The following GRB10 variants were observed in gnomAD, a reference collection of about 807,000 sequenced individuals.
GRB10 encodes growth factor receptor bound protein 10.
GRB10 carries 20 observed loss-of-function variants against 80.9 expected under a neutral mutation model. The observed-to-expected ratio is 0.25, with a 90% CI of 0.17 to 0.36. The LOEUF (loss-of-function observed/expected upper bound fraction) is 0.36. Among genes scored for constraint, GRB10 ranks in the 10% least tolerant of loss-of-function variants. The pLI, the probability that GRB10 is intolerant of heterozygous loss-of-function variation, is 1.00. For missense variants in GRB10, 548 were observed against 747.7 expected (o/e 0.73, Z 3.12); for synonymous variants, 291 against 291.5 (o/e 1.00, Z 0.02).
chr7:50,755,284 C>T (rs1178629687), intron 3 of GRB10, among the ~76,000 whole-genome samples: 1 of 152,178 alleles, frequency 6.6e-6, no homozygotes, highest in African/African-American at 2.4e-5. Flanking sequence ...CAGGGCCAAC[C>T]AGGACAAAGA....
chr7:50,781,176 C>G (rs6958750), intron 1 of GRB10: 97,952 of 152,210 alleles, frequency 0.64, 33,622 homozygotes, highest in Middle Eastern at 0.88. Context: ...CCAGGTACAA[C>G]GGCAGGTAGC....
intron 1 of GRB10, among the ~76,000 whole-genome samples, chr7:50,790,817 G>A (rs1480540177): frequency 6.6e-6 from 1 of 152,208 alleles, no homozygotes; most frequent in Non-Finnish European, 1.5e-5. Flanking sequence ...GAAGCTGAAG[G>A]CACAATAGAT....
intron 6 of GRB10, among the ~76,000 whole-genome samples, chr7:50,673,573 C>T (rs1430017168): frequency 6.6e-6 from 1 of 152,048 alleles, no homozygotes; most frequent in African/African-American, 2.4e-5. Context: ...GTGCTCAAAT[C>T]CCCCCTCCTT....
At chr7:50,705,582 G>C (rs1165909246) in intron 4 of GRB10, among the ~76,000 whole-genome samples, 2 of 152,198 alleles carry the variant, frequency 1.3e-5, no homozygotes, top group Non-Finnish European at 2.9e-5. Flanking sequence ...TATTTGTAGA[G>C]AACATGCATA....
At chr7:50,622,755 G>A (rs1204838482) in intron 8 of GRB10, among the ~76,000 whole-genome samples, 2 of 150,874 alleles carry the variant, frequency 1.3e-5, no homozygotes, top group Admixed American at 6.6e-5. Context: ...AGTTTTGTAT[G>A]TTTAAATTTG....
intron 13 of GRB10, among the ~76,000 whole-genome samples, chr7:50,608,531 A>C (rs1020484646): frequency 6.6e-6 from 1 of 152,228 alleles, no homozygotes; most frequent in African/African-American, 2.4e-5. Context: ...TAAAACAATA[A>C]CATTATGTCT....
At position 50,662,107 on chromosome 7, in the gene GRB10, C is replaced by T. The variant is rs183435459; in HGVS notation, c.504+7615G>A. Among the ~76,000 whole-genome samples the T allele has an allele frequency of 1.2e-3, 185 of 152,336 alleles. 3 individuals carry two copies. Among genetic ancestry groups the T allele is most frequent in the Admixed American group, 0.011 (174 of 15,310 alleles). Reference sequence around the variant, plus strand: ...CTGGTGTTACTACTGTCATTACCTGCAATGTTGTGGAGTTGGAGTCTGGCC... The same window carrying T: ...CTGGTGTTACTACTGTCATTACCTGTAATGTTGTGGAGTTGGAGTCTGGCC... On this transcript the variant is annotated intron_variant, in intron 7 of 18. Coordinates refer to ENST00000401949, the MANE Select transcript of GRB10 (RefSeq NM_001350814.2).
chr7:50,684,409 C>T (rs2715136), intron 5 of GRB10, among the ~76,000 whole-genome samples: 11,149 of 151,030 alleles, frequency 0.074, 1,405 homozygotes, highest in African/African-American at 0.26. Flanking sequence ...TTCATCTTAG[C>T]GATTTCATCA....
intron 4 of GRB10, among the ~76,000 whole-genome samples, chr7:50,720,438 G>C (rs969301498): frequency 1.3e-5 from 2 of 152,048 alleles, no homozygotes; most frequent in African/African-American, 4.8e-5. Flanking sequence ...GACCCCCTTT[G>C]TCGAGACTCA....
chr7:50,673,745 G>T (rs190584454), intron 6 of GRB10, among the ~76,000 whole-genome samples: 2 of 152,102 alleles, frequency 1.3e-5, no homozygotes, highest in South Asian at 4.2e-4. Context: ...CCCTTCACAC[G>T]CCTGTCCAGA....
intron 13 of GRB10, among the ~76,000 whole-genome samples, chr7:50,610,207 G>C (rs2049265898): frequency 6.6e-6 from 1 of 152,192 alleles, no homozygotes; most frequent in South Asian, 2.1e-4. Context: ...GAGTCATAAA[G>C]AGTTACCTCC....
chr7:50,614,951 G>C (rs143892291), intron 11 of GRB10, 71 bp from the exon 12 acceptor site: 2 of 943,574 alleles, frequency 2.1e-6, no homozygotes, highest in African/African-American at 3.2e-5. Flanking sequence ...CTGGTAGACA[G>C]AGGGCAGTCT....
chr7:50,684,109 A>G (rs1196268386), intron 5 of GRB10, among the ~76,000 whole-genome samples: 1 of 152,142 alleles, frequency 6.6e-6, no homozygotes, highest in Non-Finnish European at 1.5e-5. Flanking sequence ...TTAAACTTAT[A>G]AAAATGTAGA....
intron 4 of GRB10, among the ~76,000 whole-genome samples, chr7:50,707,610 C>T (rs1258981800): frequency 6.6e-6 from 1 of 152,236 alleles, no homozygotes; most frequent in African/African-American, 2.4e-5. Context: ...GAAATATTTA[C>T]TGCTATGTAT....
chr7:50,653,933 G>A (rs1028499139), intron 7 of GRB10, among the ~76,000 whole-genome samples: 1 of 152,210 alleles, frequency 6.6e-6, no homozygotes, highest in African/African-American at 2.4e-5. Flanking sequence ...CCAGCTAGAA[G>A]TGTAACCATG....
At chr7:50,726,305 G>C (rs2068635980) in intron 4 of GRB10, among the ~76,000 whole-genome samples, 1 of 152,172 alleles carries the variant, frequency 6.6e-6, no homozygotes, top group South Asian at 2.1e-4. Context: ...GGCTGAGGCA[G>C]GACAATCGCT....
chr7:50,711,010 G>T, intron 4 of GRB10: 1 of 950,132 alleles, frequency 1.1e-6, no homozygotes, highest in Non-Finnish European at 1.7e-6. Context: ...GGCACAGAAG[G>T]CACACTTAAT....
Position 50,612,836 on chromosome 7 carries a change from T to C in GRB10, c.1099A>G (p.Asn367Asp), listed in dbSNP as rs2049821862. The C allele has an allele frequency of 6.2e-7, 1 of 1,612,300 alleles. No individual in the cohort carries two copies. The highest frequency in any genetic ancestry group is 1.1e-5 in the South Asian group (1 of 90,972). The change falls in exon 13 of 19, where the codon AAC (asparagine) becomes GAC (aspartate). Residue 367 changes from asparagine (N) to aspartate (D), a missense_variant. Asn to Asp is a conservative substitution (Grantham distance 23). Around this residue, in one of 4 missense-constraint regions of GRB10, gnomAD observed 270 missense variants for 433.6 expected, o/e 0.62. Transcript: ENST00000401949. ...PTDHGLCIKP[N>D]KVRNETKELR... Reference sequence around the variant, plus strand: ...TCTTTAGTTTCATTCCTGACTTTGTTTGGCTACAGGAGGTAAAAGAAAGTC... The same window carrying C: ...TCTTTAGTTTCATTCCTGACTTTGTCTGGCTACAGGAGGTAAAAGAAAGTC...
At position 50,742,406 on chromosome 7, in the gene GRB10, G is replaced by A. The variant is rs148846039; in HGVS notation, c.-46-10038C>T. On this transcript the variant is annotated intron_variant, in intron 3 of 18. Coordinates refer to ENST00000401949, the MANE Select transcript of GRB10 (RefSeq NM_001350814.2). ...GGTGATGGGACTCAATGAAGGAGAC[G>A]AAGCTCAGTGCAGGAGTCCATGCTC... Among the ~76,000 whole-genome samples the A allele has an allele frequency of 1.2e-3, 188 of 152,178 alleles. 1 individual carries two copies. The highest frequency in any genetic ancestry group is 4.1e-3 in the African/African-American group (169 of 41,492).
Sources: gnomAD v4.1 joint callset for allele counts (sites outside exome capture counted in the v4.1 genomes callset) on GRCh38, gnomAD v4.1.1 for gene constraint, gnomAD v4.1.1 regional missense constraint, MANE v1.5 for transcripts, NCBI Gene and HGNC (gene_info 2026-07-23, HGNC 2026-07-21) for gene names.